The following SMARCA2 variants were observed in gnomAD, a reference collection of about 807,000 sequenced individuals.
SMARCA2 encodes SWI/SNF-related matrix-associated actin-dependent regulator of chromatin subfamily A member 2.
Under a neutral mutation model 199.8 loss-of-function variants are expected in SMARCA2, and 61 were observed. That is an observed-to-expected ratio of 0.31 (90% CI 0.25 to 0.38). The LOEUF (loss-of-function observed/expected upper bound fraction) is 0.38, where lower values mean the gene tolerates loss of function less well. SMARCA2 is among the 10% of genes least tolerant of loss of function. The pLI is 1.00. For synonymous variants in SMARCA2, 935 were observed against 732.0 expected (o/e 1.28, Z -4.48); for missense variants, 1,344 against 2,012.2 (o/e 0.67, Z 6.35).
chr9:2,051,504 A>G (rs1332888420), intron 5 of SMARCA2, among the ~76,000 whole-genome samples: 1 of 151,948 alleles, frequency 6.6e-6, no homozygotes, highest in African/African-American at 2.4e-5. Flanking sequence ...CCCACCTCCC[A>G]GTTCAATGTG....
chr9:2,153,914 T>A (rs1825207367), intron 27 of SMARCA2, among the ~76,000 whole-genome samples: 1 of 152,220 alleles, frequency 6.6e-6, no homozygotes, highest in African/African-American at 2.4e-5. Flanking sequence ...GTTATGTTTT[T>A]ACTTGAATTA....
At chr9:2,081,771 G>A in intron 14 of SMARCA2, 61 bp from the exon 15 acceptor site, 4 of 1,502,634 alleles carry the variant, frequency 2.7e-6, no homozygotes, top group Non-Finnish European at 3.7e-6. Context: ...CACTTGGGTT[G>A]TATTAGGATT....
intron 9 of SMARCA2, among the ~76,000 whole-genome samples, chr9:2,066,045 G>A (rs867165220): frequency 1.1e-4 from 17 of 152,224 alleles, no homozygotes; most frequent in African/African-American, 3.6e-4. Flanking sequence ...AAAATTACCC[G>A]ATTACCTATC....
At position 2,169,241 on chromosome 9, in the gene SMARCA2, G is replaced by A. The variant is rs1016016781; in HGVS notation, c.4200-1178G>A. Among the ~76,000 whole-genome samples the A allele has an allele frequency of 3.3e-5, 5 of 152,134 alleles. No individual in the cohort carries two copies. Among genetic ancestry groups the A allele is most frequent in the African/African-American group, 9.7e-5 (4 of 41,424 alleles). ...CCTGGCAAGCTGCAGGGTGGACTGCGTGCCCTGCCTCCAGTCTCTTCCTGT... is the reference window on the plus strand; with the variant it reads ...CCTGGCAAGCTGCAGGGTGGACTGCATGCCCTGCCTCCAGTCTCTTCCTGT... On this transcript the variant is annotated intron_variant, in intron 28 of 33. Coordinates refer to ENST00000349721, the MANE Select transcript of SMARCA2 (RefSeq NM_003070.5). The surrounding 1 kb of genome is among the most constrained non-coding windows in gnomAD (Gnocchi z 6.5).
intron 9 of SMARCA2, among the ~76,000 whole-genome samples, chr9:2,064,728 C>G (rs1234746002): frequency 6.6e-6 from 1 of 152,186 alleles, no homozygotes; most frequent in Non-Finnish European, 1.5e-5. Flanking sequence ...GCCTACCACC[C>G]TGTTCCCCCA....
Position 2,123,693 on chromosome 9 carries a change from G to A in SMARCA2, c.3763-26G>A. On this transcript the variant is annotated intron_variant, in intron 26 of 33. Coordinates refer to ENST00000349721, the MANE Select transcript of SMARCA2 (RefSeq NM_003070.5). This position sits in a 1 kb window ranked among gnomAD's most constrained non-coding sequence, Gnocchi z 4.1. ...GCACCATACAGAAGCCCTGACTTTC[G>A]GTGACCCTCTTATTAATGTCTCCAG... The A allele has an allele frequency of 6.2e-7, 1 of 1,607,262 alleles. No homozygotes were observed. Among genetic ancestry groups the A allele is most frequent in the Non-Finnish European group, 8.5e-7 (1 of 1,174,666 alleles).
chr9:2,189,741 A>G (rs564427527), intron 32 of SMARCA2, among the ~76,000 whole-genome samples: 18 of 152,052 alleles, frequency 1.2e-4, no homozygotes, highest in African/African-American at 4.1e-4. Context: ...TAGGAGTACT[A>G]TTTTGTGTAT....
intron 21 of SMARCA2, among the ~76,000 whole-genome samples, chr9:2,099,550 T>C (rs1371465738): frequency 1.3e-5 from 2 of 152,106 alleles, no homozygotes; most frequent in East Asian, 3.9e-4. Context: ...GGAAGCGAAG[T>C]TGAAGGTGCA....
intron 9 of SMARCA2, among the ~76,000 whole-genome samples, chr9:2,065,494 C>T (rs776274032): frequency 2.0e-5 from 3 of 152,132 alleles, no homozygotes; most frequent in Admixed American, 6.6e-5. Flanking sequence ...AAGTAAATCT[C>T]AGGACTGTGA....
At chr9:2,130,484 T>G (rs925924783) in intron 27 of SMARCA2, among the ~76,000 whole-genome samples, 2 of 152,234 alleles carry the variant, frequency 1.3e-5, no homozygotes, top group Non-Finnish European at 2.9e-5. Context: ...TGTCTCTGCA[T>G]ACCAACTTTA....
At chr9:2,091,754 A>G (rs1563762590) in intron 19 of SMARCA2, among the ~76,000 whole-genome samples, 1 of 152,158 alleles carries the variant, frequency 6.6e-6, no homozygotes. Flanking sequence ...CCACATTCTC[A>G]TTAGTGCTTG....
chr9:2,129,029 G>C (rs932159440), intron 27 of SMARCA2, among the ~76,000 whole-genome samples: 1 of 152,196 alleles, frequency 6.6e-6, no homozygotes, highest in East Asian at 1.9e-4. Flanking sequence ...TCAGGGGCTC[G>C]TGAACCCTTT....
intron 27 of SMARCA2, among the ~76,000 whole-genome samples, chr9:2,137,425 C>T (rs146448570): frequency 6.6e-6 from 1 of 152,222 alleles, no homozygotes; most frequent in Admixed American, 6.5e-5. Context: ...GGATTCCCAC[C>T]TCCTTGCCTT....
In SMARCA2 at chr9:2,083,374, T is replaced by A; in HGVS notation, c.2376T>A (p.Phe792Leu). 6.2e-7 allele frequency: 1 copy of A among 1,607,678 alleles called. No individual in the cohort carries two copies. The highest frequency in any genetic ancestry group is 8.5e-7 in the Non-Finnish European group (1 of 1,176,122). Reference protein sequence around the residue: ...LSTLSNWTYEFDKWAPSVVKI... With the variant: ...LSTLSNWTYELDKWAPSVVKI... ...CTCTATCTAACTGGACATATGAATT[T>A]GACAAATGGGCTCCTTCTGTGGTGA... Residue 792 changes from phenylalanine to leucine, a missense_variant, in exon 16 of 34, where the codon TTT becomes TTA. By Grantham distance (22) the Phe-to-Leu change is conservative. Coordinates refer to ENST00000349721, the MANE Select transcript of SMARCA2 (RefSeq NM_003070.5).
rs144993758 is a variant in SMARCA2 at position 2,156,901 on chromosome 9, G to GT, written c.3982-4783dup. On this transcript the variant is annotated intron_variant, in intron 27 of 33. Coordinates refer to ENST00000349721, the MANE Select transcript of SMARCA2 (RefSeq NM_003070.5). Reference sequence around the variant, plus strand: ...CTTCCCTCAGCCGCTGGTAACCACTGTTCTCTTTTCTCATCTCTGAAATCA... The same window carrying GT: ...CTTCCCTCAGCCGCTGGTAACCACTGTTTCTCTTTTCTCATCTCTGAAATCA... 9.1e-4 allele frequency among the ~76,000 whole-genome samples: 138 copies of GT among 152,268 alleles called. 2 individuals are homozygous for GT. In the East Asian group the frequency reaches 0.026, roughly 29 times the overall value.
At chr9:2,178,437 G>A (rs1446759617) in intron 29 of SMARCA2, among the ~76,000 whole-genome samples, 3 of 152,016 alleles carry the variant, frequency 2.0e-5, no homozygotes, top group East Asian at 3.9e-4. Flanking sequence ...TTATATTTAG[G>A]CCTTAAATTG....
intron 27 of SMARCA2, among the ~76,000 whole-genome samples, chr9:2,125,843 G>A (rs1428154604): frequency 6.6e-6 from 1 of 152,188 alleles, no homozygotes; most frequent in Non-Finnish European, 1.5e-5. Context: ...GACATTAAAA[G>A]CAAAATAACC....
chr9:2,188,528 T>C (rs1827651966), intron 32 of SMARCA2, among the ~76,000 whole-genome samples: 2 of 152,220 alleles, frequency 1.3e-5, no homozygotes, highest in Non-Finnish European at 2.9e-5. Flanking sequence ...GCATCATCTA[T>C]TTTAGCTATA....
intron 27 of SMARCA2, among the ~76,000 whole-genome samples, chr9:2,130,686 A>G (rs995447344): frequency 6.6e-6 from 1 of 152,316 alleles, no homozygotes; most frequent in South Asian, 2.1e-4. Flanking sequence ...TGCATGCGCA[A>G]TTATACATAT....
Sources: allele counts gnomAD v4.1 joint callset (sites outside exome capture counted in the v4.1 genomes callset), GRCh38; gene constraint gnomAD v4.1.1; non-coding constraint Gnocchi (gnomAD v3.1); transcripts MANE v1.5; gene names NCBI Gene and HGNC (gene_info 2026-07-23, HGNC 2026-07-21).